The following PGBD1 variants were observed in gnomAD, a reference collection of about 807,000 sequenced individuals.
PGBD1 encodes piggyBac transposable element derived 1.
Under a neutral mutation model 34.7 loss-of-function variants are expected in PGBD1, and 25 were observed. The ratio of observed to expected loss-of-function variants is 0.72; its 90% CI spans 0.52 to 1.00. The LOEUF is 1.00. PGBD1 is among the 50% of genes least tolerant of loss of function. The probability of loss-of-function intolerance (pLI) is 0.00; values close to 1 mark genes in which losing one functional copy is unlikely to be tolerated. For missense variants in PGBD1, 830 were observed against 959.4 expected (o/e 0.87, Z 1.78); for synonymous variants, 292 against 335.7 (o/e 0.87, Z 1.42).
chr6:28,290,258 G>GGT (rs1762405770), intron 4 of PGBD1, among the ~76,000 whole-genome samples: 1 of 152,008 alleles, frequency 6.6e-6, no homozygotes, highest in Non-Finnish European at 1.5e-5. Flanking sequence ...ACCATGCCTG[G>GGT]GTAATTTTTT....
chr6:28,297,376 A>T (rs1168926519), intron 5 of PGBD1, among the ~76,000 whole-genome samples: 2 of 151,630 alleles, frequency 1.3e-5, no homozygotes, highest in African/African-American at 2.4e-5. Context: ...TGTTTATTTT[A>T]TTTTTTTTAG....
intron 4 of PGBD1, among the ~76,000 whole-genome samples, chr6:28,293,827 G>A (rs1410938303): frequency 6.6e-6 from 1 of 152,098 alleles, no homozygotes; most frequent in Non-Finnish European, 1.5e-5. Context: ...CTTGGTCCTT[G>A]CTATGTCCTG....
chr6:28,288,456 A>T (rs577942632), intron 4 of PGBD1, among the ~76,000 whole-genome samples: 15 of 152,318 alleles, frequency 9.8e-5, no homozygotes, highest in African/African-American at 3.6e-4. Flanking sequence ...AAGTGGAATG[A>T]TGGATAATCA....
intron 2 of PGBD1, among the ~76,000 whole-genome samples, chr6:28,284,626 C>T (rs1762234583): frequency 6.6e-6 from 1 of 152,132 alleles, no homozygotes. Flanking sequence ...GCAATCCTCC[C>T]ACCTCAGGCT....
Position 28,301,291 on chromosome 6 carries a change from G to A in PGBD1, c.1437G>A (p.Trp479Ter), listed in dbSNP as rs942603033. The change falls in exon 7 of 7, where the codon TGG (tryptophan) becomes TGA (stop). Residue 479 changes from tryptophan (W) to a stop codon, truncating the protein, a stop_gained. Coordinates refer to ENST00000682144, the MANE Select transcript of PGBD1 (RefSeq NM_032507.4). LOFTEE classifies it low-confidence loss of function (END_TRUNC). ...FMRHPRREMY[W>*]EVSDTDQNLV... ...GGCATCCTAGAAGGGAAATGTATTG[G>A]GAAGTCTCTGACACCGATCAGAACC... The A allele has an allele frequency of 8.7e-6, 14 of 1,614,054 alleles. No homozygotes were observed. The highest frequency in any genetic ancestry group is 1.0e-5 in the Non-Finnish European group (12 of 1,180,020).
Position 28,301,962 on chromosome 6 carries a change from G to T in PGBD1, c.2108G>T (p.Gly703Val), listed in dbSNP as rs776004110. 2 of 1,614,170 alleles carry T rather than the reference G, an allele frequency of 1.2e-6. No homozygotes were observed. The highest frequency in any genetic ancestry group is 1.7e-6 in the Non-Finnish European group (2 of 1,180,030). ...ATCAGTCTGTGCTCCAATGCTGTGG[G>T]CATAGAACCAGTCAATGAGGTAAGC... Reference protein sequence around the residue: ...GIISLCSNAVGIEPVNEVSCC... With the variant: ...GIISLCSNAVVIEPVNEVSCC... The change falls in exon 7 of 7, where the codon GGC (glycine) becomes GTC (valine). Residue 703 changes from glycine (G) to valine (V), a missense_variant. Physicochemically the swap from Gly to Val is moderately radical, Grantham distance 109 (BLOSUM62 -3). Transcript: ENST00000682144.
intron 3 of PGBD1, among the ~76,000 whole-genome samples, chr6:28,286,373 T>G (rs778830099): frequency 5.3e-5 from 8 of 152,250 alleles, no homozygotes; most frequent in Non-Finnish European, 1.0e-4. Context: ...GGTTATTCAG[T>G]TAATCAACAA....
intron 1 of PGBD1, 153 bp from the exon 2 acceptor site, chr6:28,283,622 AT>A: frequency 1.6e-6 from 1 of 606,516 alleles, no homozygotes; most frequent in Non-Finnish European, 2.7e-6. Context: ...CTTCTGATTC[AT>A]TTCACTGATA....
chr6:28,288,267 G>C (rs59126652), intron 4 of PGBD1, among the ~76,000 whole-genome samples: 2 of 152,206 alleles, frequency 1.3e-5, no homozygotes, highest in Non-Finnish European at 2.9e-5. Flanking sequence ...CTGTGAATGT[G>C]ACCTGATTTG....
intron 2 of PGBD1, 87 bp downstream of exon 2, chr6:28,284,296 C>T: frequency 2.2e-6 from 3 of 1,337,558 alleles, no homozygotes; most frequent in Non-Finnish European, 3.0e-6. Flanking sequence ...TGAAATAACT[C>T]CTAATTTATA....
In PGBD1 at chr6:28,284,187, G is replaced by A; in HGVS notation, c.374G>A (p.Gly125Glu). 6.4e-7 allele frequency: 1 copy of A among 1,563,916 alleles called. No individual in the cohort carries two copies. Among genetic ancestry groups the A allele is most frequent in the South Asian group, 1.2e-5 (1 of 83,392 alleles). Residue 125 changes from glycine (G) to glutamate (E), a missense_variant, in exon 2 of 7, where the codon GGA (glycine) becomes GAA (glutamate). By Grantham distance (98) the Gly-to-Glu change is moderately conservative. This residue lies in a region of PGBD1 where 457 missense variants were observed against 515.4 expected (regional missense o/e 0.89). Coordinates refer to ENST00000682144, the MANE Select transcript of PGBD1 (RefSeq NM_032507.4). ...AVTVLENLET[G>E]SGDTGQQASV... ...ACAGTGCTGGAGAATCTAGAGACAG[G>A]AAGTGGAGACACAGGACAACAGGTG...
chr6:28,281,801 G>A lies in PGBD1; in HGVS notation c.-156G>A, dbSNP rs1426468582. 1 of 175,326 alleles carries A rather than the reference G, an allele frequency of 5.7e-6. No individual in the cohort carries two copies. 10.9% of individuals were successfully genotyped at this position (175,326 alleles called of 1,614,324 possible). A position where few individuals can be genotyped will look rare whatever the true frequency, so the allele number is the denominator to read the frequency against. ...TTCAGTGCCTGGCGCGGTGCTAGAT[G>A]CTGGGTGTAATCTCAGAAAAATACA... is the stretch of plus-strand genomic sequence containing the variant. On this transcript the variant is annotated 5_prime_UTR_variant, in exon 1 of 7. An upstream start codon of the reference 5' UTR is lost. Transcript: ENST00000682144.
In PGBD1 at chr6:28,302,203, A is replaced by C. The variant is rs1460453591; in HGVS notation, c.2349A>C (p.Pro783=). ...NAWQLHRACN[P]GASLDPLDFR... is the part of the protein sequence containing the mutation. ...GGCAACTACACAGAGCCTGTAACCC[A>C]GGTGCTTCTCTAGACCCCTTGGATT... Residue 783 remains proline, a synonymous_variant, in exon 7 of 7, where the codon CCA becomes CCC. Coordinates refer to ENST00000682144, the MANE Select transcript of PGBD1 (RefSeq NM_032507.4). 1 of 1,614,184 alleles carries C rather than the reference A, an allele frequency of 6.2e-7. No homozygotes were observed. The highest frequency in any genetic ancestry group is 8.5e-7 in the Non-Finnish European group (1 of 1,180,028).
At chr6:28,286,089 G>A (rs1332702007) in intron 3 of PGBD1, among the ~76,000 whole-genome samples, 1 of 152,152 alleles carries the variant, frequency 6.6e-6, no homozygotes, top group Non-Finnish European at 1.5e-5. Flanking sequence ...TATTTAGTAT[G>A]TATGTGTTGT....
chr6:28,286,058 A>C (rs1013424125), intron 3 of PGBD1, among the ~76,000 whole-genome samples: 2 of 152,184 alleles, frequency 1.3e-5, no homozygotes, highest in African/African-American at 4.8e-5. Flanking sequence ...TTTATTTTAC[A>C]CTGTGCATTT....
At position 28,281,629 on chromosome 6, in the gene PGBD1, G is replaced by A. The variant is rs920228508; in HGVS notation, c.-328G>A. 2.6e-6 allele frequency: 1 copy of A among 378,006 alleles called. No homozygotes were observed. The highest frequency in any genetic ancestry group is 4.7e-6 in the Non-Finnish European group (1 of 213,596). The allele number at this position is 378,006 out of a possible 1,614,324, so 23.4% of individuals were successfully genotyped here. A position where few individuals can be genotyped will look rare whatever the true frequency, so the allele number is the denominator to read the frequency against. On this transcript the variant is annotated 5_prime_UTR_variant, in exon 1 of 7. Transcript: ENST00000682144. ...GCCCGCCAGACCCGCCAGCCCAGCG[G>A]CCCGGGCTCTGGGGAAACCGGCGCT...
At chr6:28,287,339 G>A (rs757231058) in intron 4 of PGBD1, among the ~76,000 whole-genome samples, 171 bp downstream of exon 4, 49 of 152,084 alleles carry the variant, frequency 3.2e-4, no homozygotes, top group African/African-American at 7.7e-4. Context: ...TGCATCATTC[G>A]AGGAGCTTGT....
rs1327658789 is a variant in PGBD1, at chr6:28,301,826, T to TGTCC, written c.1973_1976dup (p.Leu660SerfsTer17). The TGTCC allele has an allele frequency of 6.2e-7, 1 of 1,613,920 alleles. No homozygotes were observed. The highest frequency in any genetic ancestry group is 8.5e-7 in the Non-Finnish European group (1 of 1,180,032). ...AATTCGTGAGAACAGGACCGAAAAATGTCCCCTTATGAATGTAGAACATAT... is the reference window on the plus strand; with the variant it reads ...AATTCGTGAGAACAGGACCGAAAAATGTCCGTCCCCTTATGAATGTAGAACATAT... On this transcript the variant is annotated frameshift_variant, in exon 7 of 7. Transcript: ENST00000682144. LOFTEE classifies it low-confidence loss of function (END_TRUNC).
chr6:28,288,393 A>G (rs1762350616), intron 4 of PGBD1, among the ~76,000 whole-genome samples: 1 of 152,200 alleles, frequency 6.6e-6, no homozygotes, highest in Non-Finnish European at 1.5e-5. Context: ...TGGGAAGTCC[A>G]AGATCATCAG....
Sources: gnomAD v4.1 joint callset for allele counts (sites outside exome capture counted in the v4.1 genomes callset) on GRCh38, gnomAD v4.1.1 for gene constraint, gnomAD v4.1.1 regional missense constraint, MANE v1.5 for transcripts, NCBI Gene and HGNC (gene_info 2026-07-23, HGNC 2026-07-21) for gene names.